Variants in ASIC2 observed in about 807,000 individuals in gnomAD.
ASIC2 encodes acid sensing ion channel subunit 2.
Under a neutral mutation model 57.3 loss-of-function variants are expected in ASIC2, and 25 were observed. The ratio of observed to expected loss-of-function variants is 0.44; its 90% CI spans 0.32 to 0.61. The LOEUF (loss-of-function observed/expected upper bound fraction) is 0.61. Ranked by LOEUF, ASIC2 falls within the 20% of genes least tolerant of loss-of-function variation. ASIC2 has a pLI of 0.06. For missense variants in ASIC2, 641 were observed against 738.1 expected, an observed-to-expected ratio of 0.87 and a Z score of 1.52; for synonymous variants, 319 against 307.5, an observed-to-expected ratio of 1.04 and a Z score of -0.39.
At chr17:33,403,254 A>C (rs1265989643) in intron 1 of ASIC2, among the ~76,000 whole-genome samples, 1 of 152,202 alleles carries the variant, frequency 6.6e-6, no homozygotes, top group Non-Finnish European at 1.5e-5. Flanking sequence ...CTCATCATAT[A>C]AATACACTCA....
chr17:34,124,965 C>G lies in ASIC2; in HGVS notation c.555+31013G>C, dbSNP rs572381630. On this transcript the variant is annotated intron_variant, in intron 1 of 9. Transcript: ENST00000359872. ...CCTCAGTGTTCCCCATGTCATAGAT[C>G]ACAGGAAATGTCCTGTTCACCCACA... 1.7e-4 allele frequency among the ~76,000 whole-genome samples: 25 copies of G among 149,814 alleles called. No individual in the cohort carries two copies. The South Asian group carries it at 5.2e-3, about 31-fold the overall frequency.
chr17:33,024,005 G>C lies in ASIC2; in HGVS notation c.1205C>G (p.Ala402Gly), dbSNP rs148985870. The C allele has an allele frequency of 5.5e-5, 89 of 1,613,952 alleles. No homozygotes were observed. Among genetic ancestry groups the C allele is most frequent in the Non-Finnish European group, 7.1e-5 (84 of 1,180,004 alleles). The change falls in exon 6 of 10, where the codon GCG (alanine) becomes GGG (glycine). Residue 402 changes from alanine (A) to glycine (G), a missense_variant. Physicochemically the swap from Ala to Gly is moderately conservative, Grantham distance 60 (BLOSUM62 0). Around this residue, in one of 3 missense-constraint regions of ASIC2, gnomAD observed 252 missense variants for 319.8 expected, o/e 0.79. Coordinates refer to ENST00000225823, the MANE Select transcript of ASIC2 (RefSeq NM_183377.2). ...GAGACAGTAATTGCTGTCCTTTTCC[G>C]CCAACAGACCTGGAGGGGAGAGTGA... ...ECAEPALGLL[A>G]EKDSNYCLCR...
chr17:33,356,025 C>G (rs1908359908), intron 1 of ASIC2, among the ~76,000 whole-genome samples: 1 of 152,118 alleles, frequency 6.6e-6, no homozygotes, highest in South Asian at 2.1e-4. Flanking sequence ...TGAGGCCTGA[C>G]AAATGAGTAG....
At chr17:33,884,134 C>A (rs942597153) in intron 1 of ASIC2, among the ~76,000 whole-genome samples, 4 of 152,228 alleles carry the variant, frequency 2.6e-5, no homozygotes, top group Non-Finnish European at 5.9e-5. Flanking sequence ...GGAGGCTGAC[C>A]TCTGCACCAT....
At chr17:33,481,608 C>T (rs770829857) in intron 1 of ASIC2, among the ~76,000 whole-genome samples, 6 of 152,088 alleles carry the variant, frequency 3.9e-5, no homozygotes, top group Admixed American at 1.3e-4. Context: ...GAGAAATAGT[C>T]GTTGAATAAT....
At chr17:33,420,611 A>G (rs12453418) in intron 1 of ASIC2, among the ~76,000 whole-genome samples, 68,908 of 152,070 alleles carry the variant, frequency 0.45, 16,856 homozygotes, top group East Asian at 0.76. Flanking sequence ...GTGAGAATAC[A>G]GATATCTGCT....
At chr17:33,178,021 CTGTGTACAATTCA>C (rs543668703) in intron 1 of ASIC2, among the ~76,000 whole-genome samples, 1 of 152,236 alleles carries the variant, frequency 6.6e-6, no homozygotes, top group Non-Finnish European at 1.5e-5. Context: ...TGCTTGTGTT[CTGTGTACAATTCA>C]AGGGGGTTCC....
chr17:33,993,524 A>G (rs568900763), intron 1 of ASIC2, among the ~76,000 whole-genome samples: 1 of 152,262 alleles, frequency 6.6e-6, no homozygotes, highest in Non-Finnish European at 1.5e-5. Context: ...GGCTTTTGCC[A>G]GTGTGTCTGG....
chr17:33,550,241 C>T (rs900995437), intron 1 of ASIC2, among the ~76,000 whole-genome samples: 4 of 152,106 alleles, frequency 2.6e-5, no homozygotes, highest in Admixed American at 6.6e-5. Context: ...GTGCAAATAC[C>T]GGAACGATCT....
intron 1 of ASIC2, among the ~76,000 whole-genome samples, chr17:33,997,303 GTTAATTTTT>G (rs1245042885): frequency 7.7e-6 from 1 of 130,196 alleles, no homozygotes; most frequent in Admixed American, 8.7e-5. Context: ...ACCATGCACG[GTTAATTTTT>G]TTTTTTTTTT....
rs74743614 is a variant in ASIC2 at position 34,055,772 on chromosome 17, T to C, written c.555+100206A>G. Among the ~76,000 whole-genome samples, 804 of 152,372 alleles carry C rather than the reference T, an allele frequency of 5.3e-3. 4 individuals are homozygous for C. Among genetic ancestry groups the C allele is most frequent in the Non-Finnish European group, 8.2e-3 (559 of 68,036 alleles). On this transcript the variant is annotated intron_variant, in intron 1 of 9. Transcript: ENST00000359872. ...ATATACAATATGTTTGTCAATTAAC[T>C]TGCTGATGGACATTTGGATTGTTCC...
At chr17:33,385,021 G>A (rs1458470223) in intron 1 of ASIC2, among the ~76,000 whole-genome samples, 1 of 152,168 alleles carries the variant, frequency 6.6e-6, no homozygotes, top group African/African-American at 2.4e-5. Flanking sequence ...TCCTTTATTA[G>A]CTGCATGGGC....
chr17:33,308,887 T>C (rs1035863404), intron 1 of ASIC2, among the ~76,000 whole-genome samples: 5 of 152,182 alleles, frequency 3.3e-5, no homozygotes, highest in African/African-American at 1.2e-4. Context: ...ATGATAACTA[T>C]CGATCTCCTT....
intron 1 of ASIC2, among the ~76,000 whole-genome samples, chr17:33,267,491 T>G (rs1275485253): frequency 6.6e-6 from 1 of 152,232 alleles, no homozygotes; most frequent in African/African-American, 2.4e-5. Flanking sequence ...GATCATTAAT[T>G]GCCTTGCATT....
At chr17:34,155,850 G>T in intron 1 of ASIC2, 3 of 1,052,704 alleles carry the variant, frequency 2.8e-6, no homozygotes, top group Non-Finnish European at 4.0e-6. Flanking sequence ...TACCCTCGTG[G>T]CCTTCAGGTG....
chr17:33,235,640 C>T (rs938663336), intron 1 of ASIC2, among the ~76,000 whole-genome samples: 58 of 152,108 alleles, frequency 3.8e-4, no homozygotes, highest in African/African-American at 1.4e-3. Context: ...CTCTGTGCTG[C>T]CCTGTCTACG....
rs183130740 is a variant in ASIC2 at position 33,231,545 on chromosome 17, C to T, written c.708+59863G>A. 1.3e-3 allele frequency among the ~76,000 whole-genome samples: 204 copies of T among 152,224 alleles called. 1 individual carries two copies. Among genetic ancestry groups the T allele is most frequent in the Admixed American group, 4.2e-3 (65 of 15,296 alleles). ...TGGCTGGACCCTGTTGCCCTGTCCC[C>T]AAGGCATTTGCTGAAGTCCCATCCC... On this transcript the variant is annotated intron_variant, in intron 1 of 9. Coordinates refer to ENST00000225823, the MANE Select transcript of ASIC2 (RefSeq NM_183377.2).
intron 1 of ASIC2, among the ~76,000 whole-genome samples, chr17:33,457,845 C>CA (rs1397735024): frequency 1.3e-5 from 2 of 152,206 alleles, no homozygotes; most frequent in Non-Finnish European, 2.9e-5. Flanking sequence ...GAGAGTTAAG[C>CA]AATTTGCTCA....
chr17:33,560,967 T>C (rs1214944161), intron 1 of ASIC2, among the ~76,000 whole-genome samples: 3 of 152,150 alleles, frequency 2.0e-5, no homozygotes, highest in African/African-American at 7.2e-5. Flanking sequence ...GCCTCCCTGG[T>C]GTGCATCCTG....
Sources: gnomAD v4.1 joint callset for allele counts (sites outside exome capture counted in the v4.1 genomes callset) on GRCh38, gnomAD v4.1.1 for gene constraint, gnomAD v4.1.1 regional missense constraint, MANE v1.5 for transcripts, NCBI Gene and HGNC (gene_info 2026-07-23, HGNC 2026-07-21) for gene names.